The following SV2C variants were observed in gnomAD, a reference collection of about 807,000 sequenced individuals.
SV2C encodes solute carrier family 22 member B3.
A neutral mutation model predicts 79.7 loss-of-function variants in SV2C; 49 were observed. The observed-to-expected ratio is 0.61, with a 90% CI of 0.49 to 0.78. The LOEUF is 0.78. SV2C is among the 30% of genes least tolerant of loss of function. The pLI is 0.00. For synonymous variants in SV2C, 334 were observed against 333.2 expected, an observed-to-expected ratio of 1.00 and a Z score of -0.03; for missense variants, 833 against 912.9, an observed-to-expected ratio of 0.91 and a Z score of 1.13.
the SV2C span, among the ~76,000 whole-genome samples, chr5:76,040,217 A>G: frequency 6.6e-6 from 1 of 152,224 alleles, no homozygotes; most frequent in African/African-American, 2.4e-5. Context: ...GAAGATAATT[A>G]AGTCAGAAAA....
At chr5:76,069,831 C>T in the SV2C span, among the ~76,000 whole-genome samples, 2 of 146,846 alleles carry the variant, frequency 1.4e-5, no homozygotes, top group Admixed American at 1.4e-4. Flanking sequence ...CTCTCTCTCT[C>T]TCTCACACAC....
intron 6 of SV2C, among the ~76,000 whole-genome samples, chr5:76,288,330 T>G (rs1290164709): frequency 1.3e-5 from 2 of 152,214 alleles, no homozygotes; most frequent in African/African-American, 4.8e-5. Context: ...CAATTTGGCC[T>G]CTATCCAAAT....
the SV2C span, among the ~76,000 whole-genome samples, chr5:75,860,117 ATAT>A: frequency 1.3e-5 from 2 of 152,098 alleles, no homozygotes; most frequent in African/African-American, 4.8e-5. Context: ...ACAGTTGATG[ATAT>A]TATTCTATAC....
chr5:76,230,308 A>G (rs78721121), intron 4 of SV2C, among the ~76,000 whole-genome samples: 17,859 of 152,114 alleles, frequency 0.12, 3,041 homozygotes, highest in African/African-American at 0.38. Flanking sequence ...TAAAAGGGAT[A>G]ATTAACAATG....
the SV2C span, among the ~76,000 whole-genome samples, chr5:76,048,965 G>GAGAGAGAAAGAAAGAA: frequency 1.9e-4 from 11 of 58,200 alleles, no homozygotes; most frequent in South Asian, 4.4e-3. Context: ...GAAAGAAAAA[G>GAGAGAGAAAGAAAGAA]AGAAAGAAAG....
chr5:76,091,248 C>T (rs1457594461), intron 1 of SV2C, among the ~76,000 whole-genome samples: 1 of 152,192 alleles, frequency 6.6e-6, no homozygotes, highest in African/African-American at 2.4e-5. Context: ...TTCCTGTTGG[C>T]CACATCCATG....
chr5:76,050,502 T>C, the SV2C span, among the ~76,000 whole-genome samples: 2 of 152,220 alleles, frequency 1.3e-5, no homozygotes, highest in African/African-American at 4.8e-5. Flanking sequence ...CTGGAGAATG[T>C]TGGAATATGC....
At chr5:76,195,663 C>A (rs1418622718) in intron 3 of SV2C, among the ~76,000 whole-genome samples, 7 of 152,094 alleles carry the variant, frequency 4.6e-5, no homozygotes, top group Admixed American at 4.6e-4. Flanking sequence ...TGTTCATTTT[C>A]TTTAAAGAGC....
intron 4 of SV2C, among the ~76,000 whole-genome samples, chr5:76,252,535 A>C (rs572586304): frequency 1.2e-4 from 19 of 152,246 alleles, no homozygotes; most frequent in Admixed American, 1.1e-3. Flanking sequence ...AAAGAAAGAT[A>C]TAATTTTCAC....
At chr5:76,256,002 T>A in intron 4 of SV2C, among the ~76,000 whole-genome samples, 1 of 152,204 alleles carries the variant, frequency 6.6e-6, no homozygotes, top group East Asian at 1.9e-4. Context: ...GCAAAATATG[T>A]GCTAGGTTGT....
the SV2C span, among the ~76,000 whole-genome samples, chr5:75,945,878 A>C: frequency 6.6e-6 from 1 of 152,208 alleles, no homozygotes; most frequent in Admixed American, 6.5e-5. Flanking sequence ...ATTTTGAATA[A>C]AGCAAAAAAG....
At chr5:75,993,115 G>C in the SV2C span, among the ~76,000 whole-genome samples, 1 of 151,636 alleles carries the variant, frequency 6.6e-6, no homozygotes, top group African/African-American at 2.4e-5. Flanking sequence ...TTGAGAAATA[G>C]AGTATTTTAG....
At chr5:76,130,630 A>G (rs1382858496) in intron 1 of SV2C, among the ~76,000 whole-genome samples, 1 of 152,192 alleles carries the variant, frequency 6.6e-6, no homozygotes, top group Non-Finnish European at 1.5e-5. Context: ...AGCCACCAGA[A>G]GAGGCAGCTG....
chr5:75,912,023 G>A, the SV2C span, among the ~76,000 whole-genome samples: 1 of 152,182 alleles, frequency 6.6e-6, no homozygotes, highest in Admixed American at 6.5e-5. Flanking sequence ...ATTAATGGAG[G>A]CGGAGGAGAA....
chr5:75,943,293 A>G, the SV2C span, among the ~76,000 whole-genome samples: 1 of 152,208 alleles, frequency 6.6e-6, no homozygotes, highest in Non-Finnish European at 1.5e-5. Flanking sequence ...AAATGGGTAC[A>G]AGTACTGATG....
At position 76,285,853 on chromosome 5, in the gene SV2C, C is replaced by A. The variant is rs561451250; in HGVS notation, c.1120C>A (p.Pro374Thr). Residue 374 changes from proline to threonine, a missense_variant, in exon 6 of 13, where the codon CCT becomes ACT. Coordinates refer to ENST00000502798, the MANE Select transcript of SV2C (RefSeq NM_014979.4). Reference protein sequence around the residue: ...HDTNMRARGQPEKVFTVNKIK... With the variant: ...HDTNMRARGQTEKVFTVNKIK... The stretch of plus-strand genomic sequence containing the variant: ...CACCAACATGAGAGCCCGGGGTCAG[C>A]CTGAGAAGGTCTTCACGGTGAGTCT... The A allele has an allele frequency of 5.0e-6, 8 of 1,613,980 alleles. No homozygotes were observed. In the African/African-American group the frequency reaches 1.1e-4, roughly 22 times the overall value.
chr5:76,223,444 C>CATATAT lies in SV2C; in HGVS notation c.913+13604_913+13609dup, dbSNP rs70979384. ...CCCTGTCTCTTTATATACATACATA[C>CATATAT]ATATATATATATATATATATATATA... On this transcript the variant is annotated intron_variant, in intron 4 of 12. Transcript: ENST00000502798. 2.8e-3 allele frequency among the ~76,000 whole-genome samples: 128 copies of CATATAT among 45,668 alleles called. 3 individuals are homozygous for CATATAT. Among genetic ancestry groups the CATATAT allele is most frequent in the Middle Eastern group, 0.011 (1 of 92 alleles). The allele number at this position is 45,668 out of a possible 152,430, so 30.0% of individuals were successfully genotyped here. A position where few individuals can be genotyped will look rare whatever the true frequency, so the allele number is the denominator to read the frequency against.
At chr5:76,182,731 A>G (rs1453031283) in intron 2 of SV2C, among the ~76,000 whole-genome samples, 2 of 152,104 alleles carry the variant, frequency 1.3e-5, no homozygotes, top group East Asian at 1.9e-4. Context: ...GTGTTTGGCT[A>G]TTCCTGCATT....
chr5:76,160,032 CTT>C (rs1445217945), intron 2 of SV2C, among the ~76,000 whole-genome samples: 1 of 151,026 alleles, frequency 6.6e-6, no homozygotes, highest in Non-Finnish European at 1.5e-5. Context: ...ACTTCAAAAA[CTT>C]AAAAAAAATT....
Sources: allele counts gnomAD v4.1 joint callset (sites outside exome capture counted in the v4.1 genomes callset), GRCh38; gene constraint gnomAD v4.1.1; transcripts MANE v1.5; gene names NCBI Gene and HGNC (gene_info 2026-07-23, HGNC 2026-07-21).